Variants in PKM observed in about 807,000 individuals in gnomAD.
PKM encodes the protein pyruvate kinase PKM.
PKM carries 18 observed loss-of-function variants against 49.8 expected under a neutral mutation model. The ratio of observed to expected loss-of-function variants is 0.36; its 90% CI spans 0.25 to 0.54. The LOEUF (loss-of-function observed/expected upper bound fraction) is 0.54, where lower values mean the gene tolerates loss of function less well. Ranked by LOEUF, PKM falls within the 20% of genes least tolerant of loss-of-function variation. The pLI is 0.89. For missense variants in PKM, 508 were observed against 713.8 expected (o/e 0.71, Z 3.28); for synonymous variants, 239 against 261.8 (o/e 0.91, Z 0.84).
At chr15:72,217,773 G>T (rs1276900429) in intron 2 of PKM, among the ~76,000 whole-genome samples, 1 of 152,166 alleles carries the variant, frequency 6.6e-6, no homozygotes, top group Non-Finnish European at 1.5e-5. Context: ...CACCCTCACT[G>T]AAACCCAGCC....
chr15:72,230,790 G>C, intron 1 of PKM: 1 of 460,054 alleles, frequency 2.2e-6, no homozygotes, highest in Non-Finnish European at 3.8e-6. Flanking sequence ...ACGAGGGACC[G>C]AGAGAAGGCA....
intron 1 of PKM, among the ~76,000 whole-genome samples, chr15:72,227,528 T>A (rs1462159000): frequency 6.6e-6 from 1 of 151,996 alleles, no homozygotes; most frequent in Non-Finnish European, 1.5e-5. Flanking sequence ...GTGGATCACC[T>A]AAGTCAGGAG....
At position 72,213,625 on chromosome 15, in the gene PKM, T is replaced by G. The variant is rs555144338; in HGVS notation, c.247-3147A>C. On this transcript the variant is annotated intron_variant, in intron 3 of 10. Transcript: ENST00000335181. Reference sequence around the variant, plus strand: ...TTTGTATTTTTAGTAGAGACAGGGTTTCACCATGTTGGCCAGGCTGGTCTC... The same window carrying G: ...TTTGTATTTTTAGTAGAGACAGGGTGTCACCATGTTGGCCAGGCTGGTCTC... 2.0e-5 allele frequency among the ~76,000 whole-genome samples: 3 copies of G among 152,288 alleles called. No homozygotes were observed. The East Asian group carries it at 5.8e-4, about 29-fold the overall frequency.
intron 8 of PKM, among the ~76,000 whole-genome samples, chr15:72,206,071 C>G (rs2082070592): frequency 6.6e-6 from 1 of 152,246 alleles, no homozygotes; most frequent in African/African-American, 2.4e-5. Context: ...CCCGCTGTCT[C>G]TATCTGTGGC....
In PKM at chr15:72,209,867, C is replaced by CA; in HGVS notation, c.379-9dup. 1 of 1,613,590 alleles carries CA rather than the reference C, an allele frequency of 6.2e-7. No individual in the cohort carries two copies. The highest frequency in any genetic ancestry group is 8.5e-7 in the Non-Finnish European group (1 of 1,179,588). On this transcript the variant is annotated splice_polypyrimidine_tract_variant and intron_variant, in intron 4 of 10. Coordinates refer to ENST00000335181, the MANE Select transcript of PKM (RefSeq NM_002654.6). The stretch of plus-strand genomic sequence containing the variant: ...CACCTCTGCAGTGCCGCTCTAGGGA[C>CA]AAGAGAGTAAGCAAGAGTCCAAACT...
At chr15:72,230,539 C>T (rs1008361032) in intron 1 of PKM, among the ~76,000 whole-genome samples, 7 of 151,782 alleles carry the variant, frequency 4.6e-5, no homozygotes, top group Admixed American at 3.9e-4. Context: ...GACCAGCAAG[C>T]AGGGGGAGGG....
At chr15:72,218,798 T>C in intron 2 of PKM, 146 bp downstream of exon 2, 1 of 787,016 alleles carries the variant, frequency 1.3e-6, no homozygotes, top group Non-Finnish European at 2.2e-6. Flanking sequence ...TTACTGCAAC[T>C]TCCTATGACC....
chr15:72,207,837 G>C (rs1236152787), intron 6 of PKM, among the ~76,000 whole-genome samples: 2 of 152,078 alleles, frequency 1.3e-5, no homozygotes, highest in Non-Finnish European at 2.9e-5. Flanking sequence ...GCCTGGTACA[G>C]AGGATATCTA....
intron 6 of PKM, among the ~76,000 whole-genome samples, chr15:72,208,157 G>A (rs1304502311): frequency 1.3e-5 from 2 of 152,136 alleles, no homozygotes; most frequent in Middle Eastern, 3.2e-3. Flanking sequence ...AAGACCAGGA[G>A]GCCATAAGCT....
intron 4 of PKM, 94 bp from the exon 5 acceptor site, chr15:72,209,953 A>G (rs1305282859): frequency 9.7e-7 from 1 of 1,032,836 alleles, no homozygotes; most frequent in Non-Finnish European, 1.5e-6. Flanking sequence ...TCCCGGGAAC[A>G]ATGCTCAAGT....
At chr15:72,221,643 C>A (rs2082528026) in intron 1 of PKM, among the ~76,000 whole-genome samples, 1 of 151,836 alleles carries the variant, frequency 6.6e-6, no homozygotes. Flanking sequence ...ATTATGTGTA[C>A]CTCTTTTGGA....
intron 1 of PKM, among the ~76,000 whole-genome samples, chr15:72,223,522 C>G (rs1382541575): frequency 6.6e-6 from 1 of 152,164 alleles, no homozygotes; most frequent in Non-Finnish European, 1.5e-5. Flanking sequence ...CTCTTCCGAA[C>G]ACCTGCATCC....
At chr15:72,215,186 G>A (rs1044527358) in intron 3 of PKM, among the ~76,000 whole-genome samples, 1 of 150,306 alleles carries the variant, frequency 6.7e-6, no homozygotes, top group African/African-American at 2.4e-5. Flanking sequence ...GGGCAACAGA[G>A]CAAGATTCTG....
intron 3 of PKM, among the ~76,000 whole-genome samples, chr15:72,217,134 A>G (rs1261050180): frequency 6.6e-6 from 1 of 152,202 alleles, no homozygotes; most frequent in Non-Finnish European, 1.5e-5. Context: ...GAACCTTTCC[A>G]TATCTTCCTT....
intron 3 of PKM, among the ~76,000 whole-genome samples, chr15:72,215,882 G>A (rs980313651): frequency 2.6e-5 from 4 of 152,020 alleles, no homozygotes; most frequent in South Asian, 2.1e-4. Flanking sequence ...AGTAATTCTC[G>A]GTGACTCCTG....
At position 72,207,283 on chromosome 15, in the gene PKM, G is replaced by A. The variant is rs755210964; in HGVS notation, c.837-6C>T. On this transcript the variant is annotated splice_region_variant and splice_polypyrimidine_tract_variant and intron_variant, in intron 6 of 10. Transcript: ENST00000335181. ...CCTCCAGGATTTCATCAAACCTGATGGACAAAGTTGGGGGGAGAGAGGTTA... is the reference window on the plus strand; with the variant it reads ...CCTCCAGGATTTCATCAAACCTGATAGACAAAGTTGGGGGGAGAGAGGTTA... 6.2e-7 allele frequency: 1 copy of A among 1,613,918 alleles called. No individual in the cohort carries two copies. Among genetic ancestry groups the A allele is most frequent in the East Asian group, 2.2e-5 (1 of 44,880 alleles).
intron 5 of PKM, 84 bp from the exon 6 acceptor site, chr15:72,208,975 G>A: frequency 7.0e-7 from 1 of 1,425,646 alleles, no homozygotes; most frequent in Non-Finnish European, 9.7e-7. Context: ...CAAGGACAGT[G>A]AGCTGGGAAG....
At chr15:72,209,036 C>T in intron 5 of PKM, 145 bp from the exon 6 acceptor site, 1 of 832,548 alleles carries the variant, frequency 1.2e-6, no homozygotes. Context: ...AAACCTACTA[C>T]ACTGTGTAAT....
chr15:72,206,844 G>A lies in PKM; in HGVS notation c.1024C>T (p.Arg342Trp), dbSNP rs2082093691. Residue 342 changes from arginine (R) to tryptophan (W), a missense_variant, in exon 8 of 11, where the codon CGG becomes TGG. Transcript: ENST00000335181. ...TTGGCCACATCACTGCCTTCAGCCC[G>A]AGTGGGGCGGGGCTTCTTGATCATG... ...ESMIKKPRPT[R>W]AEGSDVANAV... 6.2e-7 allele frequency: 1 copy of A among 1,614,144 alleles called. No individual in the cohort carries two copies. The highest frequency in any genetic ancestry group is 8.5e-7 in the Non-Finnish European group (1 of 1,180,006).
Sources: gnomAD v4.1 joint callset for allele counts (sites outside exome capture counted in the v4.1 genomes callset) on GRCh38, gnomAD v4.1.1 for gene constraint, MANE v1.5 for transcripts, NCBI Gene and HGNC (gene_info 2026-07-23, HGNC 2026-07-21) for gene names.